PLXNA2: variants seen among roughly 807,000 people sequenced by gnomAD.
The protein encoded by PLXNA2 is plexin A2.
Under a neutral mutation model 193.5 loss-of-function variants are expected in PLXNA2, and 91 were observed. The ratio of observed to expected loss-of-function variants is 0.47; its 90% CI spans 0.40 to 0.56. The LOEUF (loss-of-function observed/expected upper bound fraction) is 0.56. PLXNA2 is among the 20% of genes least tolerant of loss of function. The pLI is 0.00. For synonymous variants in PLXNA2, 997 were observed against 1,027.3 expected, an observed-to-expected ratio of 0.97 and a Z score of 0.56; for missense variants, 1,995 against 2,503.2, an observed-to-expected ratio of 0.80 and a Z score of 4.33.
At chr1:208,125,543 G>A (rs1050500244) in intron 4 of PLXNA2, among the ~76,000 whole-genome samples, 1 of 152,240 alleles carries the variant, frequency 6.6e-6, no homozygotes, top group East Asian at 1.9e-4. Context: ...CCATTAATCT[G>A]GGCATGCTCC....
intron 4 of PLXNA2, among the ~76,000 whole-genome samples, chr1:208,134,251 G>A (rs1289475488): frequency 6.6e-6 from 1 of 152,146 alleles, no homozygotes; most frequent in Non-Finnish European, 1.5e-5. Context: ...ATACTCCGAT[G>A]AGAATATTAA....
chr1:208,209,055 C>G (rs1273450891), intron 3 of PLXNA2, among the ~76,000 whole-genome samples: 1 of 152,132 alleles, frequency 6.6e-6, no homozygotes, highest in Non-Finnish European at 1.5e-5. Context: ...CTTCCATGTG[C>G]CGAAAAGCCA....
intron 14 of PLXNA2, among the ~76,000 whole-genome samples, chr1:208,052,743 A>C (rs1399450937): frequency 2.0e-5 from 3 of 152,114 alleles, no homozygotes; most frequent in Non-Finnish European, 4.4e-5. Context: ...AGCAGAGGTG[A>C]CACTGACTAA....
chr1:208,174,650 G>C (rs557259235), intron 3 of PLXNA2, among the ~76,000 whole-genome samples: 108 of 152,228 alleles, frequency 7.1e-4, no homozygotes, highest in African/African-American at 2.5e-3. Context: ...CAATAGGCTG[G>C]TCCATGCACC....
intron 12 of PLXNA2, among the ~76,000 whole-genome samples, chr1:208,062,261 A>G (rs574423069): frequency 6.6e-6 from 1 of 152,182 alleles, no homozygotes; most frequent in African/African-American, 2.4e-5. Flanking sequence ...ATGATGGATG[A>G]GTACAGGTGA....
chr1:208,086,826 G>C (rs918913987), intron 9 of PLXNA2, among the ~76,000 whole-genome samples: 1 of 151,326 alleles, frequency 6.6e-6, no homozygotes, highest in Non-Finnish European at 1.5e-5. Flanking sequence ...CCACTTTAGG[G>C]AAGCCCAGGC....
chr1:208,027,161 C>G lies in PLXNA2; in HGVS notation c.*82G>C. On this transcript the variant is annotated 3_prime_UTR_variant, in exon 32 of 32. Coordinates refer to ENST00000367033, the MANE Select transcript of PLXNA2 (RefSeq NM_025179.4). ...GACAGCAAGCTCTGGGGCCTGATCC[C>G]CATCACTTGTCCTTCCATCTGAGAC... 1 of 1,244,830 alleles carries G rather than the reference C, an allele frequency of 8.0e-7. No homozygotes were observed. The highest frequency in any genetic ancestry group is 1.2e-6 in the Non-Finnish European group (1 of 856,778). 77.1% of individuals were successfully genotyped at this position (1,244,830 alleles called of 1,614,324 possible). A position where few individuals can be genotyped will look rare whatever the true frequency, so the allele number is the denominator to read the frequency against.
chr1:208,110,931 C>T (rs1667452391), intron 4 of PLXNA2, among the ~76,000 whole-genome samples: 1 of 152,214 alleles, frequency 6.6e-6, no homozygotes, highest in African/African-American at 2.4e-5. Flanking sequence ...AATCTCTTAG[C>T]TCATTTTACT....
chr1:208,070,505 G>A (rs1665944411), intron 12 of PLXNA2, among the ~76,000 whole-genome samples: 2 of 152,356 alleles, frequency 1.3e-5, no homozygotes, highest in African/African-American at 4.8e-5. Flanking sequence ...CAGGCTTGAG[G>A]AAGAGCTAGG....
chr1:208,079,542 TC>T, intron 11 of PLXNA2, 92 bp from the exon 12 acceptor site: 1 of 925,408 alleles, frequency 1.1e-6, no homozygotes, highest in Non-Finnish European at 1.6e-6. Context: ...TGATAGAAAC[TC>T]TTCCCCACCA....
rs570928588 is a variant in PLXNA2 at position 208,085,938 on chromosome 1, T to C, written c.2098-1358A>G. 9.4e-4 allele frequency among the ~76,000 whole-genome samples: 143 copies of C among 152,318 alleles called. 6 individuals are homozygous for C. In the South Asian group the frequency reaches 0.028, roughly 30 times the overall value. ...TGCTTCAGCCCCTCTTTTAGTTGAT[T>C]ACCTCTTCTTTTACTTTTTTGGTTT... On this transcript the variant is annotated intron_variant, in intron 9 of 31. Transcript: ENST00000367033.
At chr1:208,115,554 CT>C (rs1406791087) in intron 4 of PLXNA2, among the ~76,000 whole-genome samples, 1 of 152,170 alleles carries the variant, frequency 6.6e-6, no homozygotes, top group African/African-American at 2.4e-5. Flanking sequence ...ACCATACCGC[CT>C]CTTAGACATG....
At chr1:208,062,151 T>C (rs994661345) in intron 12 of PLXNA2, among the ~76,000 whole-genome samples, 1 of 152,116 alleles carries the variant, frequency 6.6e-6, no homozygotes, top group Non-Finnish European at 1.5e-5. Flanking sequence ...AGCCACAGCC[T>C]CTCTGTTTTT....
intron 9 of PLXNA2, among the ~76,000 whole-genome samples, chr1:208,087,807 A>T (rs924224079): frequency 2.0e-5 from 3 of 152,102 alleles, no homozygotes; most frequent in African/African-American, 7.2e-5. Context: ...ACCCCAAACA[A>T]TTGCCAAGTT....
intron 3 of PLXNA2, among the ~76,000 whole-genome samples, chr1:208,171,862 GT>G (rs980106512): frequency 6.6e-6 from 1 of 151,462 alleles, no homozygotes; most frequent in African/African-American, 2.4e-5. Context: ...TAAAAAGGAA[GT>G]TTTTTTTAAG....
intron 3 of PLXNA2, among the ~76,000 whole-genome samples, chr1:208,152,503 C>T (rs1668795894): frequency 6.6e-6 from 1 of 152,178 alleles, no homozygotes; most frequent in Admixed American, 6.5e-5. Flanking sequence ...CTTCTTAAAA[C>T]ACTTGTTCGA....
rs186408750 is a variant in PLXNA2 at position 208,038,605 on chromosome 1, G to C, written c.4661-131C>G. ...AAGCTGGTACCAATAACAGAGGCTA[G>C]AGACATCTAGGGCTCCATGGGCCCA... On this transcript the variant is annotated intron_variant, in intron 25 of 31. Coordinates refer to ENST00000367033, the MANE Select transcript of PLXNA2 (RefSeq NM_025179.4). The surrounding 1 kb of genome is among the most constrained non-coding windows in gnomAD (Gnocchi z 4.1). The C allele has an allele frequency of 1.3e-3, 1,048 of 818,096 alleles. 14 individuals are homozygous for C. In the Admixed American group the frequency reaches 0.019, roughly 15 times the overall value. The allele number at this position is 818,096 out of a possible 1,614,324, so 50.7% of individuals were successfully genotyped here. A position where few individuals can be genotyped will look rare whatever the true frequency, so the allele number is the denominator to read the frequency against.
In PLXNA2 at chr1:208,142,350, C is replaced by T; in HGVS notation, c.1485G>A (p.Leu495=). 1 of 1,606,768 alleles carries T rather than the reference C, an allele frequency of 6.2e-7. No homozygotes were observed. The highest frequency in any genetic ancestry group is 8.5e-7 in the Non-Finnish European group (1 of 1,177,588). The change falls in exon 4 of 32, where the codon CTG becomes CTA. Residue 495 remains leucine (L), a synonymous_variant. Coordinates refer to ENST00000367033, the MANE Select transcript of PLXNA2 (RefSeq NM_025179.4). The stretch of plus-strand genomic sequence containing the variant: ...TTACCTGTCTCTCAGACATGACGTA[C>T]AGGTAGCGCTGATCAATGGAGAAGG... The part of the protein sequence containing the change: ...DMAFSIDQRY[L]YVMSERQVTR...
chr1:208,198,519 T>C (rs1193519422), intron 3 of PLXNA2, among the ~76,000 whole-genome samples: 1 of 152,150 alleles, frequency 6.6e-6, no homozygotes, highest in Admixed American at 6.5e-5. Context: ...CTGGGGACTG[T>C]GTGTGGCACA....
Sources: gnomAD v4.1 joint callset for allele counts (sites outside exome capture counted in the v4.1 genomes callset) on GRCh38, gnomAD v4.1.1 for gene constraint, Gnocchi (gnomAD v3.1) non-coding constraint, MANE v1.5 for transcripts, NCBI Gene and HGNC (gene_info 2026-07-23, HGNC 2026-07-21) for gene names.